PEX5L: variants seen among roughly 807,000 people sequenced by gnomAD.
PEX5L encodes peroxisomal biogenesis factor 5 like.
In PEX5L, 30 loss-of-function variants were observed where a neutral mutation model predicts 84.0. The observed-to-expected ratio is 0.36, with a 90% CI of 0.27 to 0.48. PEX5L has a LOEUF of 0.48. PEX5L is among the 20% of genes least tolerant of loss of function. The pLI is 0.99. For synonymous variants in PEX5L, 270 were observed against 283.1 expected, an observed-to-expected ratio of 0.95 and a Z score of 0.46; for missense variants, 533 against 754.6, an observed-to-expected ratio of 0.71 and a Z score of 3.44.
chr3:179,906,418 A>G (rs1420593757), intron 2 of PEX5L, among the ~76,000 whole-genome samples: 1 of 152,184 alleles, frequency 6.6e-6, no homozygotes. Context: ...TCTCTATTAT[A>G]CACCTGCAAG....
intron 1 of PEX5L, among the ~76,000 whole-genome samples, chr3:180,007,991 A>C (rs959108300): frequency 2.6e-5 from 4 of 152,184 alleles, no homozygotes; most frequent in African/African-American, 9.7e-5. Flanking sequence ...GCTCCTTGCT[A>C]CTTATTCAAA....
intron 2 of PEX5L, among the ~76,000 whole-genome samples, chr3:179,961,522 C>T (rs1204324440): frequency 6.6e-6 from 1 of 151,944 alleles, no homozygotes. Context: ...GAAGTAAAAG[C>T]GCAACCACAG....
At chr3:179,830,294 C>CCCCCT (rs1553845042) in intron 8 of PEX5L, among the ~76,000 whole-genome samples, 20 of 142,944 alleles carry the variant, frequency 1.4e-4, no homozygotes, top group African/African-American at 5.3e-4. Flanking sequence ...CGCCCCCCCC[C>CCCCCT]TTTTTTTTAT....
chr3:179,969,862 C>T (rs547113891), intron 2 of PEX5L, among the ~76,000 whole-genome samples: 31 of 152,204 alleles, frequency 2.0e-4, no homozygotes, highest in South Asian at 1.9e-3. Flanking sequence ...AATAAAAGTG[C>T]TATTTTCTGA....
At chr3:179,990,202 C>T (rs1787251191) in intron 1 of PEX5L, among the ~76,000 whole-genome samples, 1 of 152,156 alleles carries the variant, frequency 6.6e-6, no homozygotes, top group South Asian at 2.1e-4. Context: ...CTTCCAGTCC[C>T]ACTATTCTAT....
chr3:179,993,933 T>C (rs1421445991), intron 1 of PEX5L, among the ~76,000 whole-genome samples: 2 of 152,212 alleles, frequency 1.3e-5, no homozygotes, highest in Non-Finnish European at 2.9e-5. Context: ...TCAAATATTT[T>C]CAACCTGCAG....
At chr3:179,922,666 C>G (rs1453163665) in intron 2 of PEX5L, among the ~76,000 whole-genome samples, 1 of 151,814 alleles carries the variant, frequency 6.6e-6, no homozygotes, top group Non-Finnish European at 1.5e-5. Context: ...GTTGACCAGG[C>G]TGGTCTCAAA....
chr3:179,841,017 C>G (rs2109355411), intron 8 of PEX5L, among the ~76,000 whole-genome samples: 1 of 151,940 alleles, frequency 6.6e-6, no homozygotes, highest in Non-Finnish European at 1.5e-5. Context: ...AAAGAGATAG[C>G]TAAGAAGAAA....
At chr3:179,926,461 G>T (rs997833740) in intron 2 of PEX5L, among the ~76,000 whole-genome samples, 2 of 152,094 alleles carry the variant, frequency 1.3e-5, no homozygotes, top group Non-Finnish European at 2.9e-5. Flanking sequence ...CCTTCCACCA[G>T]AACTCCTCGG....
In PEX5L at chr3:179,954,005, G is replaced by T. The variant is rs59195034; in HGVS notation, c.93+17589C>A. Among the ~76,000 whole-genome samples the T allele has an allele frequency of 5.7e-3, 868 of 152,278 alleles. 7 individuals carry two copies. Among genetic ancestry groups the T allele is most frequent in the African/African-American group, 0.02 (831 of 41,544 alleles). On this transcript the variant is annotated intron_variant, in intron 2 of 14. Coordinates refer to ENST00000467460, the MANE Select transcript of PEX5L (RefSeq NM_016559.3). ...TTTATCTACTTGAGTCTTCTAGAAA[G>T]ATTATAATTTTAACCTTGTGTCTCT... is the stretch of plus-strand genomic sequence containing the variant.
chr3:179,892,587 C>T (rs1757944951), intron 3 of PEX5L, among the ~76,000 whole-genome samples: 1 of 152,090 alleles, frequency 6.6e-6, no homozygotes, highest in Non-Finnish European at 1.5e-5. Context: ...TCCTCAATTT[C>T]CTACTGGATT....
Position 179,809,671 on chromosome 3 carries a change from G to GAAAAAA in PEX5L, c.1155-9_1155-4dup. 7.2e-7 allele frequency: 1 copy of GAAAAAA among 1,391,526 alleles called. No individual in the cohort carries two copies. Among genetic ancestry groups the GAAAAAA allele is most frequent in the East Asian group, 2.6e-5 (1 of 39,100 alleles). 86.2% of individuals were successfully genotyped at this position (1,391,526 alleles called of 1,614,324 possible). On this transcript the variant is annotated splice_region_variant and splice_polypyrimidine_tract_variant and intron_variant, in intron 11 of 14. Transcript: ENST00000467460. ...TGTTGGGCTGTAATTCTAAGCACCT[G>GAAAAAA]AAAAAAAAAAAGAAGCCAATTTCAG...
At chr3:179,935,938 C>G (rs1347615163) in intron 2 of PEX5L, among the ~76,000 whole-genome samples, 3 of 152,202 alleles carry the variant, frequency 2.0e-5, no homozygotes, top group Non-Finnish European at 4.4e-5. Context: ...CCTTCTGCTT[C>G]TCTGCCAGCT....
chr3:179,851,419 C>G (rs1214843355), intron 8 of PEX5L, among the ~76,000 whole-genome samples: 1 of 152,130 alleles, frequency 6.6e-6, no homozygotes, highest in East Asian at 1.9e-4. Flanking sequence ...AGTCACTTCC[C>G]AAAGGCCCCA....
intron 2 of PEX5L, among the ~76,000 whole-genome samples, chr3:179,942,105 G>A (rs1776298959): frequency 6.6e-6 from 1 of 151,464 alleles, no homozygotes; most frequent in African/African-American, 2.4e-5. Flanking sequence ...TGGATTTAAA[G>A]TTCACTCTGC....
At chr3:179,978,818 T>C (rs762730728) in intron 1 of PEX5L, among the ~76,000 whole-genome samples, 43 of 152,334 alleles carry the variant, frequency 2.8e-4, no homozygotes, top group East Asian at 1.9e-4. Flanking sequence ...CGATTTCTGA[T>C]CAAAGCGTTA....
chr3:179,843,857 C>T (rs1470575344), intron 8 of PEX5L, among the ~76,000 whole-genome samples: 1 of 152,216 alleles, frequency 6.6e-6, no homozygotes, highest in Non-Finnish European at 1.5e-5. Flanking sequence ...CTCCCATGGA[C>T]ACACAGCATG....
intron 14 of PEX5L, 106 bp from the exon 15 acceptor site, chr3:179,802,138 A>G: frequency 1.3e-6 from 1 of 776,186 alleles, no homozygotes; most frequent in Non-Finnish European, 2.2e-6. Context: ...CTAAAATCTT[A>G]AATCACCTCT....
At chr3:179,873,600 A>C (rs996933217) in intron 7 of PEX5L, among the ~76,000 whole-genome samples, 1 of 152,186 alleles carries the variant, frequency 6.6e-6, no homozygotes, top group Non-Finnish European at 1.5e-5. Context: ...TAAAACAGCT[A>C]GTTAAACTGG....
Sources: allele counts gnomAD v4.1 joint callset (sites outside exome capture counted in the v4.1 genomes callset), GRCh38; gene constraint gnomAD v4.1.1; transcripts MANE v1.5; gene names NCBI Gene and HGNC (gene_info 2026-07-23, HGNC 2026-07-21).